The following NR1H3 variants were observed in gnomAD, a reference collection of about 807,000 sequenced individuals.
NR1H3 encodes the protein oxysterols receptor LXR-alpha.
A neutral mutation model predicts 48.1 loss-of-function variants in NR1H3; 19 were observed. That is an observed-to-expected ratio of 0.40 (90% CI 0.28 to 0.58). The LOEUF is 0.58. Ranked by LOEUF, NR1H3 falls within the 20% of genes least tolerant of loss-of-function variation. The pLI, the probability that NR1H3 is intolerant of heterozygous loss-of-function variation, is 0.50. For missense variants in NR1H3, 486 were observed against 595.9 expected (o/e 0.82, Z 1.92); for synonymous variants, 232 against 227.3 (o/e 1.02, Z -0.19).
intron 7 of NR1H3, among the ~76,000 whole-genome samples, chr11:47,264,155 G>A (rs1956219829): frequency 6.6e-6 from 1 of 152,200 alleles, no homozygotes; most frequent in South Asian, 2.1e-4. Context: ...AAGGACGGGA[G>A]GCTGAGGGAG....
At chr11:47,263,267 CTT>C (rs112370737) in intron 7 of NR1H3, among the ~76,000 whole-genome samples, 6 of 141,894 alleles carry the variant, frequency 4.2e-5, no homozygotes, top group African/African-American at 2.6e-5. Flanking sequence ...ATTTCCCCTA[CTT>C]TTTTTTTTTT....
intron 1 of NR1H3, 181 bp from the exon 2 acceptor site, chr11:47,258,999 A>C: frequency 8.7e-7 from 1 of 1,154,910 alleles, no homozygotes; most frequent in East Asian, 2.9e-5. Flanking sequence ...CAAAATAGGG[A>C]GAACCTGTCT....
chr11:47,268,243 T>A lies in NR1H3; in HGVS notation c.1103-18T>A. ...ACCCTGGCCAGACCTGCTCCTCAAC[T>A]CTCTTGGTGACCTATAGACCGGCCC... On this transcript the variant is annotated intron_variant, in intron 8 of 9. Transcript: ENST00000441012. 1.2e-6 allele frequency: 2 copies of A among 1,612,734 alleles called. No homozygotes were observed. Among genetic ancestry groups the A allele is most frequent in the Non-Finnish European group, 1.7e-6 (2 of 1,179,076 alleles).
upstream of NR1H3, among the ~76,000 whole-genome samples, chr11:47,255,619 T>C (rs3070439): frequency 0.53 from 41,961 of 79,392 alleles, 9,286 homozygotes; most frequent in East Asian, 0.58. Context: ...CTCTCTCTCT[T>C]TCTTTCTTTC....
In NR1H3 at chr11:47,260,571, A is replaced by ACATCTGC. The variant is rs1253417713; in HGVS notation, c.398_404dup (p.Ser136LeufsTer92). 6 of 1,614,206 alleles carry ACATCTGC rather than the reference A, an allele frequency of 3.7e-6. No individual in the cohort carries two copies. The highest frequency in any genetic ancestry group is 5.1e-6 in the Non-Finnish European group (6 of 1,180,044). ...CGCAGCGTCATCAAGGGAGCGCACTACATCTGCCACAGTGGCGGCCACTGC... is the reference window on the plus strand; with the variant it reads ...CGCAGCGTCATCAAGGGAGCGCACTACATCTGCCATCTGCCACAGTGGCGGCCACTGC... On this transcript the variant is annotated frameshift_variant, in exon 4 of 10. Transcript: ENST00000441012. LOFTEE classifies it high-confidence loss of function.
At chr11:47,265,445 C>A (rs326213) in intron 7 of NR1H3, among the ~76,000 whole-genome samples, 2,326 of 152,280 alleles carry the variant, frequency 0.015, 71 homozygotes, top group African/African-American at 0.053. Flanking sequence ...AGAAATCTGA[C>A]AAAGCCTGGG....
chr11:47,268,183 C>G, intron 8 of NR1H3, 78 bp from the exon 9 acceptor site: 5 of 1,370,232 alleles, frequency 3.6e-6, no homozygotes, highest in Non-Finnish European at 5.2e-6. Context: ...GAGCATGTCT[C>G]TATATTTTGG....
In NR1H3 at chr11:47,261,708, G is replaced by A. The variant is rs1402975388; in HGVS notation, c.870G>A (p.Leu290=). The part of the protein sequence containing the change: ...QLSREDQIAL[L]KTSAIEVMLL... The stretch of plus-strand genomic sequence containing the variant: ...GCCGGGAGGACCAGATTGCCCTGCT[G>A]AAGACCTCTGCGATCGAGGTGGCTG... The change falls in exon 6 of 10, where the codon CTG becomes CTA. Residue 290 remains leucine (L), a synonymous_variant. Coordinates refer to ENST00000441012, the MANE Select transcript of NR1H3 (RefSeq NM_005693.4). 6.2e-7 allele frequency: 1 copy of A among 1,614,106 alleles called. No homozygotes were observed. Among genetic ancestry groups the A allele is most frequent in the Non-Finnish European group, 8.5e-7 (1 of 1,180,044 alleles).
Position 47,267,514 on chromosome 11 carries a change from C to CTT in NR1H3, c.989-386_989-385dup, listed in dbSNP as rs113681661. Among the ~76,000 whole-genome samples, 690 of 145,302 alleles carry CTT rather than the reference C, an allele frequency of 4.7e-3. 4 individuals carry two copies. The highest frequency in any genetic ancestry group is 0.015 in the East Asian group (73 of 4,950). ...GGTTACACAGCAAAGCCTTGTAGAC[C>CTT]TTTTTTTTTTTTTTGACGGAATCTC... On this transcript the variant is annotated intron_variant, in intron 7 of 9. Transcript: ENST00000441012.
chr11:47,268,525 G>T, intron 9 of NR1H3, 25 bp from the exon 10 acceptor site: 1 of 1,614,102 alleles, frequency 6.2e-7, no homozygotes, highest in South Asian at 1.1e-5. Context: ...GGCAAAAGCT[G>T]TGTTTGTCTC....
At chr11:47,248,483 A>C (rs1174033199), upstream of NR1H3, 2 of 1,549,448 alleles carry the variant, frequency 1.3e-6, no homozygotes, top group East Asian at 4.9e-5. Context: ...AGGCAGACTC[A>C]CCCCGACGTA....
chr11:47,259,088 A>C (rs1591104393), intron 1 of NR1H3, 92 bp from the exon 2 acceptor site: 1 of 1,580,740 alleles, frequency 6.3e-7, no homozygotes, highest in East Asian at 2.3e-5. Flanking sequence ...GATATTGTTG[A>C]TATTGATAAA....
chr11:47,259,298 G>C lies in NR1H3; in HGVS notation c.43+39G>C, dbSNP rs765584600. On this transcript the variant is annotated intron_variant, in intron 2 of 9. Transcript: ENST00000441012. ...CATCCCTCTCCCCTGAGCCCAGACC[G>C]CAGGCTCCACGCCTCCTGTAGGAAT... The C allele has an allele frequency of 1.9e-6, 3 of 1,613,662 alleles. No individual in the cohort carries two copies. The East Asian group carries it at 6.7e-5, about 36-fold the overall frequency.
intron 7 of NR1H3, among the ~76,000 whole-genome samples, chr11:47,266,928 G>A (rs746950829): frequency 1.4e-3 from 206 of 151,892 alleles, no homozygotes; most frequent in Middle Eastern, 3.4e-3. Flanking sequence ...GGCATGAACC[G>A]CCGTGCCTTG....
chr11:47,266,214 G>A lies in NR1H3; in HGVS notation c.989-1699G>A, dbSNP rs529768303. Among the ~76,000 whole-genome samples the A allele has an allele frequency of 6.6e-5, 10 of 152,036 alleles. No homozygotes were observed. The South Asian group carries it at 1.0e-3, about 16-fold the overall frequency. On this transcript the variant is annotated intron_variant, in intron 7 of 9. Coordinates refer to ENST00000441012, the MANE Select transcript of NR1H3 (RefSeq NM_005693.4). ...CTTTGAAACAGGGTCTCGCTCTGTC[G>A]CCCAGGCTGAATGCAGTGGTGTGAT...
Position 47,258,129 on chromosome 11 carries a change from G to A in NR1H3, c.-38G>A. 1 of 985,584 alleles carries A rather than the reference G, an allele frequency of 1.0e-6. No homozygotes were observed. The highest frequency in any genetic ancestry group is 1.2e-6 in the Non-Finnish European group (1 of 830,162). 61.1% of individuals were successfully genotyped at this position (985,584 alleles called of 1,614,324 possible). ...AGGAAGTCTGGTGGCCTGGGGATTT[G>A]GTGGGTCTGCTCCTTAGCAGTGGCC... On this transcript the variant is annotated splice_region_variant and 5_prime_UTR_variant, in exon 1 of 10. Coordinates refer to ENST00000441012, the MANE Select transcript of NR1H3 (RefSeq NM_005693.4).
chr11:47,256,698 C>CTAA (rs1349362984), upstream of NR1H3, among the ~76,000 whole-genome samples: 1 of 146,830 alleles, frequency 6.8e-6, no homozygotes, highest in Non-Finnish European at 1.5e-5. Flanking sequence ...TTGACTAGGG[C>CTAA]TAATAAGTAC....
chr11:47,265,545 G>T (rs1266451929), intron 7 of NR1H3, among the ~76,000 whole-genome samples: 1 of 152,194 alleles, frequency 6.6e-6, no homozygotes, highest in Admixed American at 6.5e-5. Flanking sequence ...TTGCATTTTA[G>T]TCTTCTCAGC....
Position 47,260,465 on chromosome 11 carries a change from C to T in NR1H3, c.289C>T (p.Leu97=). Residue 97 remains leucine (L), a synonymous_variant, in exon 4 of 10, where the codon CTA becomes TTA. Transcript: ENST00000441012. ...GPAPKMLGNE[L]CSVCGDKASG... ...AGCCCCCAAAATGCTGGGGAACGAG[C>T]TATGCAGCGTGTGTGGGGACAAGGC... The T allele has an allele frequency of 6.2e-7, 1 of 1,614,252 alleles. No individual in the cohort carries two copies. The highest frequency in any genetic ancestry group is 8.5e-7 in the Non-Finnish European group (1 of 1,180,038).
Sources: allele counts gnomAD v4.1 joint callset (sites outside exome capture counted in the v4.1 genomes callset), GRCh38; gene constraint gnomAD v4.1.1; transcripts MANE v1.5; gene names NCBI Gene and HGNC (gene_info 2026-07-23, HGNC 2026-07-21).